The following RBM33 variants were observed in gnomAD, a reference collection of about 807,000 sequenced individuals.
The protein encoded by RBM33 is RNA-binding protein 33.
In RBM33, 28 loss-of-function variants were observed where a neutral mutation model predicts 132.6. The ratio of observed to expected loss-of-function variants is 0.21; its 90% confidence interval spans 0.16 to 0.29. The LOEUF is 0.29. Ranked by LOEUF, RBM33 falls within the 10% of genes least tolerant of loss-of-function variation. The pLI is 1.00. For missense variants in RBM33, 1,291 were observed against 1,518.5 expected, an observed-to-expected ratio of 0.85 and a Z score of 2.49; for synonymous variants, 634 against 593.0, an observed-to-expected ratio of 1.07 and a Z score of -1.01.
In RBM33 at chr7:155,661,462, C is replaced by T. The variant is rs532338606; in HGVS notation, c.44-3713C>T. On this transcript the variant is annotated intron_variant, in intron 1 of 17. Coordinates refer to ENST00000401878, the MANE Select transcript of RBM33 (RefSeq NM_053043.3). ...TTGCTCTGTGGCCCAGGCTGGAGTG[C>T]AGTGGTGTGGTCTCGGCTCCCTGCA... 4.1e-5 allele frequency among the ~76,000 whole-genome samples: 6 copies of T among 146,534 alleles called. No individual in the cohort carries two copies. In the South Asian group the frequency reaches 1.3e-3, roughly 32 times the overall value.
chr7:155,695,810 G>T (rs1269010990), intron 5 of RBM33, among the ~76,000 whole-genome samples: 1 of 152,126 alleles, frequency 6.6e-6, no homozygotes, highest in Non-Finnish European at 1.5e-5. Context: ...TAATTTTGTT[G>T]AAGTATGAAG....
At chr7:155,684,096 G>A (rs1223410039) in intron 5 of RBM33, among the ~76,000 whole-genome samples, 1 of 152,166 alleles carries the variant, frequency 6.6e-6, no homozygotes, top group Non-Finnish European at 1.5e-5. Context: ...AGAGAATTGT[G>A]GGAACTAAGG....
rs973408946 is a variant in RBM33, at chr7:155,763,746, A to G, written c.2980-66A>G. On this transcript the variant is annotated intron_variant, in intron 14 of 17. Transcript: ENST00000401878. ...GAACACTGGCTGAGGTGGGCTTCCT[A>G]ATGCTGGGGAGGAGCTTTTGGTGGA... The G allele has an allele frequency of 6.8e-6, 10 of 1,467,470 alleles. No homozygotes were observed. The Admixed American group carries it at 7.8e-5, about 11-fold the overall frequency. 90.9% of individuals were successfully genotyped at this position (1,467,470 alleles called of 1,614,324 possible).
rs1396914346 is a variant in RBM33, at chr7:155,745,999, A to G, written c.2979+397A>G. ...TCGAAATGTATCTTAGTGAAGGTACAGTAAAAATACAGTGTCATAACCTCA... is the reference window on the plus strand; with the variant it reads ...TCGAAATGTATCTTAGTGAAGGTACGGTAAAAATACAGTGTCATAACCTCA... On this transcript the variant is annotated intron_variant, in intron 14 of 17. Transcript: ENST00000401878. The surrounding 1 kb of genome is among the most constrained non-coding windows in gnomAD (Gnocchi z 4.1). Among the ~76,000 whole-genome samples, 1 of 152,228 alleles carries G rather than the reference A, an allele frequency of 6.6e-6. No homozygotes were observed. The highest frequency in any genetic ancestry group is 2.4e-5 in the African/African-American group (1 of 41,456).
In RBM33 at chr7:155,742,005, G is replaced by A. The variant is rs1376463380; in HGVS notation, c.2236G>A (p.Ala746Thr). 6 of 1,613,930 alleles carry A rather than the reference G, an allele frequency of 3.7e-6. No individual in the cohort carries two copies. In the African/African-American group the frequency reaches 8.0e-5, roughly 22 times the overall value. ...CGTCAGCGCGTCACCACCCTCGCGG[G>A]CCGTGGCGGGTTCCAGAAGCTCACA... ...PIVSASPPSR[A>T]VAGSRSSQGK... is the part of the protein sequence containing the mutation. Residue 746 changes from alanine to threonine, a missense_variant, in exon 13 of 18, where the codon GCC becomes ACC. Physicochemically the swap from Ala to Thr is moderately conservative, Grantham distance 58. Coordinates refer to ENST00000401878, the MANE Select transcript of RBM33 (RefSeq NM_053043.3).
At chr7:155,651,060 T>G (rs1478013048) in intron 1 of RBM33, among the ~76,000 whole-genome samples, 1 of 152,164 alleles carries the variant, frequency 6.6e-6, no homozygotes, top group Non-Finnish European at 1.5e-5. Context: ...GTATTTTTAG[T>G]AGAGACGGGG....
chr7:155,650,720 T>G (rs1245066029), intron 1 of RBM33, among the ~76,000 whole-genome samples: 3 of 152,206 alleles, frequency 2.0e-5, no homozygotes, highest in Non-Finnish European at 4.4e-5. Flanking sequence ...AAAAGTTATC[T>G]TTTCAATTTC....
intron 9 of RBM33, among the ~76,000 whole-genome samples, chr7:155,731,556 G>C (rs1413208809): frequency 6.6e-6 from 1 of 152,206 alleles, no homozygotes; most frequent in East Asian, 1.9e-4. Flanking sequence ...GGGCTAGCAG[G>C]CAGGGAGTGT....
chr7:155,743,442 G>A (rs1203041442), intron 13 of RBM33, among the ~76,000 whole-genome samples: 4 of 152,226 alleles, frequency 2.6e-5, no homozygotes, highest in Non-Finnish European at 4.4e-5. Context: ...GTTGATTTAG[G>A]CGAACTTCTA....
chr7:155,682,834 C>T (rs1324302478), intron 5 of RBM33, among the ~76,000 whole-genome samples: 1 of 152,132 alleles, frequency 6.6e-6, no homozygotes, highest in Non-Finnish European at 1.5e-5. Context: ...TCTGGTATTC[C>T]ATTGTCAAAC....
intron 2 of RBM33, among the ~76,000 whole-genome samples, chr7:155,669,889 C>G (rs1317049705): frequency 1.3e-5 from 2 of 152,102 alleles, no homozygotes; most frequent in African/African-American, 4.8e-5. Flanking sequence ...TTGGTGCGTC[C>G]CAATGGGCGA....
At chr7:155,662,270 A>T (rs1378140335) in intron 1 of RBM33, among the ~76,000 whole-genome samples, 1 of 152,112 alleles carries the variant, frequency 6.6e-6, no homozygotes, top group African/African-American at 2.4e-5. Context: ...GATACTGTCC[A>T]TGGTTCGTGT....
intron 1 of RBM33, 200 bp downstream of exon 1, chr7:155,645,119 G>C (rs910243731): frequency 8.5e-5 from 42 of 493,060 alleles, no homozygotes; most frequent in African/African-American, 8.0e-4. Flanking sequence ...CCGCTGTGCA[G>C]ATCGTACTTA....
At chr7:155,661,142 A>AT (rs1217940558) in intron 1 of RBM33, among the ~76,000 whole-genome samples, 50 of 60,536 alleles carry the variant, frequency 8.3e-4, no homozygotes, top group African/African-American at 2.8e-3. Context: ...ATATATATAT[A>AT]TATATTTTTT....
Position 155,774,086 on chromosome 7 carries a change from G to A in RBM33, c.3376-473G>A, listed in dbSNP as rs541766058. Among the ~76,000 whole-genome samples, 1 of 152,364 alleles carries A rather than the reference G, an allele frequency of 6.6e-6. No homozygotes were observed. The highest frequency in any genetic ancestry group is 1.9e-4 in the East Asian group (1 of 5,186). Reference sequence around the variant, plus strand: ...TCACCATGGCCCAGCCAGATGCACAGAGATGGTAGACTAGGGGCCATTGCC... The same window carrying A: ...TCACCATGGCCCAGCCAGATGCACAAAGATGGTAGACTAGGGGCCATTGCC... On this transcript the variant is annotated intron_variant, in intron 16 of 17. Coordinates refer to ENST00000401878, the MANE Select transcript of RBM33 (RefSeq NM_053043.3). This position sits in a 1 kb window ranked among gnomAD's most constrained non-coding sequence, Gnocchi z 4.2.
At chr7:155,741,731 A>G (rs1801343021) in intron 12 of RBM33, 88 bp from the exon 13 acceptor site, 1 of 1,225,614 alleles carries the variant, frequency 8.2e-7, no homozygotes, top group East Asian at 2.4e-5. Context: ...AGAATGATTT[A>G]TTGTGTTTTT....
intron 9 of RBM33, among the ~76,000 whole-genome samples, chr7:155,723,380 T>C (rs1214792935): frequency 1.3e-5 from 2 of 152,176 alleles, no homozygotes; most frequent in Non-Finnish European, 2.9e-5. Context: ...GATCTATAAG[T>C]AGTAGCAGGC....
At chr7:155,724,244 A>C (rs1800712195) in intron 9 of RBM33, among the ~76,000 whole-genome samples, 1 of 152,140 alleles carries the variant, frequency 6.6e-6, no homozygotes, top group Admixed American at 6.5e-5. Flanking sequence ...TTTTATTATA[A>C]AGTATCAAAA....
intron 14 of RBM33, among the ~76,000 whole-genome samples, chr7:155,748,287 T>C (rs749446759): frequency 5.3e-4 from 80 of 152,260 alleles, no homozygotes; most frequent in Non-Finnish European, 1.0e-3. Flanking sequence ...ATTTAACTAG[T>C]GTAACTAAAT....
Sources: gnomAD v4.1 joint callset for allele counts (sites outside exome capture counted in the v4.1 genomes callset) on GRCh38, gnomAD v4.1.1 for gene constraint, Gnocchi (gnomAD v3.1) non-coding constraint, MANE v1.5 for transcripts, NCBI Gene and HGNC (gene_info 2026-07-23, HGNC 2026-07-21) for gene names.